Variants in MYT1L observed in about 807,000 individuals in gnomAD.
MYT1L encodes the protein myelin transcription factor 1 like.
In MYT1L, 12 loss-of-function variants were observed where a neutral mutation model predicts 126.7. The observed-to-expected ratio is 0.09, with a 90% CI of 0.06 to 0.15. MYT1L has a LOEUF of 0.15. Ranked by LOEUF, MYT1L falls within the 10% of genes least tolerant of loss-of-function variation. MYT1L has a pLI of 1.00. For synonymous variants in MYT1L, 541 were observed against 604.2 expected (o/e 0.90, Z 1.53); for missense variants, 979 against 1,585.2 (o/e 0.62, Z 6.49).
chr2:2,295,377 T>C (rs889877662), intron 1 of MYT1L, among the ~76,000 whole-genome samples: 1 of 152,228 alleles, frequency 6.6e-6, no homozygotes, highest in African/African-American at 2.4e-5. Flanking sequence ...CAGTAAATTC[T>C]ATGCTGTGAG....
At position 2,057,424 on chromosome 2, in the gene MYT1L, C is replaced by T. The variant is rs114335411; in HGVS notation, c.-303-3301G>A. Among the ~76,000 whole-genome samples the T allele has an allele frequency of 4.2e-3, 639 of 152,142 alleles. 4 individuals carry two copies. The highest frequency in any genetic ancestry group is 0.015 in the African/African-American group (612 of 41,498). On this transcript the variant is annotated intron_variant, in intron 3 of 24. Transcript: ENST00000647738. ...CTCACCCTTTTCCTGTTCAGAGCCACGCCCATCCTTTTCCTTTCATAACCA... is the reference window on the plus strand; with the variant it reads ...CTCACCCTTTTCCTGTTCAGAGCCATGCCCATCCTTTTCCTTTCATAACCA...
chr2:1,832,544 G>C (rs188637660), intron 21 of MYT1L, among the ~76,000 whole-genome samples: 142 of 152,340 alleles, frequency 9.3e-4, no homozygotes, highest in Non-Finnish European at 1.5e-3. Flanking sequence ...TTCCTAAACA[G>C]TCCTCTAATC....
At chr2:2,064,517 CA>C (rs1367253263) in intron 3 of MYT1L, among the ~76,000 whole-genome samples, 1 of 152,176 alleles carries the variant, frequency 6.6e-6, no homozygotes, top group African/African-American at 2.4e-5. Flanking sequence ...ACATAATTAT[CA>C]TGACCTCCCT....
intron 22 of MYT1L, among the ~76,000 whole-genome samples, chr2:1,804,663 T>C (rs990256607): frequency 6.6e-6 from 1 of 152,174 alleles, no homozygotes; most frequent in African/African-American, 2.4e-5. Context: ...GAGACCAGTG[T>C]CCCATGGTGA....
At chr2:2,155,371 T>C (rs1428001039) in intron 3 of MYT1L, among the ~76,000 whole-genome samples, 3 of 152,200 alleles carry the variant, frequency 2.0e-5, no homozygotes, top group Admixed American at 6.5e-5. Context: ...AACCATCTTC[T>C]TGAAATCTTG....
At chr2:2,268,966 G>A (rs750629872) in intron 2 of MYT1L, among the ~76,000 whole-genome samples, 1 of 152,156 alleles carries the variant, frequency 6.6e-6, no homozygotes, top group Non-Finnish European at 1.5e-5. Context: ...CACCTGAGCA[G>A]GTGTCTCTTT....
intron 2 of MYT1L, among the ~76,000 whole-genome samples, chr2:2,187,882 GA>G (rs1430846312): frequency 1.3e-5 from 2 of 151,860 alleles, no homozygotes; most frequent in Admixed American, 6.6e-5. Context: ...AGAACATTCT[GA>G]AAAAAAGTTC....
chr2:1,927,842 CT>C (rs1241713957), intron 9 of MYT1L, among the ~76,000 whole-genome samples: 1 of 152,090 alleles, frequency 6.6e-6, no homozygotes, highest in Non-Finnish European at 1.5e-5. Flanking sequence ...TATATTTTGA[CT>C]TATAAATACA....
At chr2:2,327,562 G>C (rs1199296217) in intron 1 of MYT1L, among the ~76,000 whole-genome samples, 1 of 152,196 alleles carries the variant, frequency 6.6e-6, no homozygotes, top group Non-Finnish European at 1.5e-5. Flanking sequence ...GGAGTAATTA[G>C]ATTATAAAAA....
At chr2:2,042,477 C>T (rs1340617661) in intron 4 of MYT1L, among the ~76,000 whole-genome samples, 2 of 152,016 alleles carry the variant, frequency 1.3e-5, no homozygotes, top group Non-Finnish European at 2.9e-5. Flanking sequence ...TGCTCAAAGT[C>T]GCAATGCTAT....
At chr2:2,012,902 A>G (rs1574506640) in intron 4 of MYT1L, among the ~76,000 whole-genome samples, 1 of 152,146 alleles carries the variant, frequency 6.6e-6, no homozygotes, top group East Asian at 1.9e-4. Context: ...GTTGTTTATC[A>G]TCGCTCCATG....
At chr2:2,231,612 TA>T (rs2094164009) in intron 2 of MYT1L, among the ~76,000 whole-genome samples, 1 of 151,910 alleles carries the variant, frequency 6.6e-6, no homozygotes, top group African/African-American at 2.4e-5. Context: ...CATGCCCAGA[TA>T]ATTTTTGTAT....
chr2:1,992,734 C>A (rs1355785304), intron 5 of MYT1L, among the ~76,000 whole-genome samples: 1 of 152,166 alleles, frequency 6.6e-6, no homozygotes, highest in South Asian at 2.1e-4. Context: ...AAGATGATAA[C>A]GGCCCTTTCC....
rs573496768 is a variant in MYT1L at position 2,022,877 on chromosome 2, G to A, written c.-157-25530C>T. The stretch of plus-strand genomic sequence containing the variant: ...CCTGCGACCAAATACTGGCGGAGGC[G>A]TTTCATCTTAAATAACTACTTTTCA... On this transcript the variant is annotated intron_variant, in intron 4 of 24. Coordinates refer to ENST00000647738, the MANE Select transcript of MYT1L (RefSeq NM_001303052.2). Among the ~76,000 whole-genome samples, 6 of 152,284 alleles carry A rather than the reference G, an allele frequency of 3.9e-5. No individual in the cohort carries two copies. The East Asian group carries it at 7.7e-4, about 20-fold the overall frequency.
chr2:2,329,671 A>G (rs2149748158), intron 1 of MYT1L, among the ~76,000 whole-genome samples: 1 of 152,318 alleles, frequency 6.6e-6, no homozygotes, highest in Non-Finnish European at 1.5e-5. Flanking sequence ...AAAGTGTATG[A>G]TAGTATGGTA....
intron 21 of MYT1L, among the ~76,000 whole-genome samples, chr2:1,830,289 C>T (rs1481068602): frequency 6.6e-6 from 1 of 152,164 alleles, no homozygotes; most frequent in African/African-American, 2.4e-5. Flanking sequence ...TTCTCTTTGC[C>T]TCAATGTCCT....
chr2:2,076,149 G>A (rs1418968922), intron 3 of MYT1L, among the ~76,000 whole-genome samples: 4 of 152,202 alleles, frequency 2.6e-5, no homozygotes, highest in African/African-American at 7.2e-5. Flanking sequence ...AAGCCTGGCT[G>A]GGAGTTGAAT....
intron 8 of MYT1L, among the ~76,000 whole-genome samples, chr2:1,972,156 G>T (rs1038540871): frequency 3.3e-5 from 5 of 152,120 alleles, no homozygotes; most frequent in Admixed American, 3.3e-4. Context: ...TGGAGGCTGC[G>T]TGCACAGAAT....
chr2:1,860,735 C>G (rs1405351274), intron 18 of MYT1L, among the ~76,000 whole-genome samples: 1 of 152,148 alleles, frequency 6.6e-6, no homozygotes, highest in Admixed American at 6.5e-5. Flanking sequence ...ACAAACAGTC[C>G]TTTGTCCTTA....
Sources: gnomAD v4.1 joint callset for allele counts (sites outside exome capture counted in the v4.1 genomes callset) on GRCh38, gnomAD v4.1.1 for gene constraint, MANE v1.5 for transcripts, NCBI Gene and HGNC (gene_info 2026-07-23, HGNC 2026-07-21) for gene names.